The following PTPRD variants were observed in gnomAD, a reference collection of about 807,000 sequenced individuals.
The protein encoded by PTPRD is receptor-type tyrosine-protein phosphatase delta.
A neutral mutation model predicts 214.5 loss-of-function variants in PTPRD; 34 were observed. The ratio of observed to expected loss-of-function variants is 0.16; its 90% CI spans 0.12 to 0.21. The LOEUF (loss-of-function observed/expected upper bound fraction) is 0.21, where lower values mean the gene tolerates loss of function less well. Ranked by LOEUF, PTPRD falls within the 10% of genes least tolerant of loss-of-function variation. The pLI, the probability that PTPRD is intolerant of heterozygous loss-of-function variation, is 1.00. For missense variants in PTPRD, 2,545 were observed against 2,398.7 expected (o/e 1.06, Z -1.27); for synonymous variants, 1,128 against 845.7 (o/e 1.33, Z -5.79).
intron 3 of PTPRD, among the ~76,000 whole-genome samples, chr9:10,241,551 A>G (rs138307519): frequency 6.6e-6 from 1 of 151,948 alleles, no homozygotes; most frequent in African/African-American, 2.4e-5. Flanking sequence ...ATATAACAAC[A>G]CGGGTAATTC....
At chr9:8,954,535 G>A (rs1217169228) in intron 11 of PTPRD, among the ~76,000 whole-genome samples, 1 of 149,924 alleles carries the variant, frequency 6.7e-6, no homozygotes, top group Non-Finnish European at 1.5e-5. Context: ...GGTAAACATG[G>A]AAAAAAAAAG....
chr9:9,901,212 A>G (rs568929171), intron 5 of PTPRD, among the ~76,000 whole-genome samples: 1 of 152,256 alleles, frequency 6.6e-6, no homozygotes, highest in South Asian at 2.1e-4. Flanking sequence ...TTTAGCAGCC[A>G]CTGTTTTAGA....
chr9:9,334,842 C>T (rs1486345885), intron 9 of PTPRD, among the ~76,000 whole-genome samples: 1 of 151,688 alleles, frequency 6.6e-6, no homozygotes, highest in Non-Finnish European at 1.5e-5. Flanking sequence ...ACCATTAAGA[C>T]AAGTAAATAG....
At chr9:10,147,709 G>A (rs183264791) in intron 3 of PTPRD, among the ~76,000 whole-genome samples, 15 of 152,006 alleles carry the variant, frequency 9.9e-5, no homozygotes, top group East Asian at 5.8e-4. Flanking sequence ...GTAAAACCCC[G>A]TCTCTACTAA....
intron 11 of PTPRD, among the ~76,000 whole-genome samples, chr9:8,760,594 C>CTG (rs1259550529): frequency 1.2e-4 from 18 of 147,256 alleles, no homozygotes; most frequent in Non-Finnish European, 1.8e-4. Context: ...CTCCCTCTCT[C>CTG]TGTCTGTGTG....
chr9:9,197,662 C>G (rs886407706), intron 9 of PTPRD, among the ~76,000 whole-genome samples: 1 of 152,150 alleles, frequency 6.6e-6, no homozygotes. Context: ...CTGCCCGCCA[C>G]GGCCTCCCAA....
At chr9:9,223,519 G>C (rs1248468598) in intron 9 of PTPRD, among the ~76,000 whole-genome samples, 1 of 151,860 alleles carries the variant, frequency 6.6e-6, no homozygotes, top group Non-Finnish European at 1.5e-5. Flanking sequence ...TTTTACCATT[G>C]TAAAATAAAC....
chr9:9,394,656 G>T (rs2067083319), intron 9 of PTPRD, among the ~76,000 whole-genome samples: 2 of 152,102 alleles, frequency 1.3e-5, no homozygotes, highest in Admixed American at 1.3e-4. Flanking sequence ...TGTAGCTCTT[G>T]TTATTATCAT....
rs1016228651 is a variant in PTPRD, at chr9:8,939,140, T to G, written c.-104+79557A>C. ...TTTCAGAATCTCTTAATGAGAATGATAATGTCATATTATTCATGCTGATAA... is the reference window on the plus strand; with the variant it reads ...TTTCAGAATCTCTTAATGAGAATGAGAATGTCATATTATTCATGCTGATAA... On this transcript the variant is annotated intron_variant, in intron 11 of 45. Transcript: ENST00000381196. Among the ~76,000 whole-genome samples, 5 of 152,240 alleles carry G rather than the reference T, an allele frequency of 3.3e-5. No individual in the cohort carries two copies. In the East Asian group the frequency reaches 9.6e-4, roughly 29 times the overall value.
chr9:8,474,747 C>A (rs1281402166), intron 30 of PTPRD, among the ~76,000 whole-genome samples: 1 of 152,108 alleles, frequency 6.6e-6, no homozygotes, highest in Non-Finnish European at 1.5e-5. Context: ...AGAGAAAATG[C>A]AAAGATTCAG....
chr9:10,430,396 G>A (rs373802811), intron 2 of PTPRD, among the ~76,000 whole-genome samples: 18 of 151,686 alleles, frequency 1.2e-4, no homozygotes, highest in East Asian at 7.7e-4. Context: ...ATTACTTTAC[G>A]CGTGTGAGTA....
intron 7 of PTPRD, among the ~76,000 whole-genome samples, chr9:9,705,779 T>A (rs1349125602): frequency 6.6e-6 from 1 of 152,120 alleles, no homozygotes; most frequent in African/African-American, 2.4e-5. Flanking sequence ...GATTTTTAAA[T>A]TAAATATCTT....
chr9:9,354,851 G>A (rs970181731), intron 9 of PTPRD, among the ~76,000 whole-genome samples: 2 of 151,640 alleles, frequency 1.3e-5, no homozygotes, highest in African/African-American at 4.8e-5. Flanking sequence ...GATATCTGGA[G>A]GAAAAATAAT....
Position 8,375,999 on chromosome 9 carries a change from G to C in PTPRD, c.4598C>G (p.Ala1533Gly), listed in dbSNP as rs1413989131. Reference protein sequence around the residue: ...GVPEHPTPFLAFLRRVKTCNP... With the variant: ...GVPEHPTPFLGFLRRVKTCNP... ...ACAGGTTTTGACTCTACGTAAGAAA[G>C]CTAGAAAAGGTGTAGGGTGTTCTGG... Residue 1533 changes from alanine (A) to glycine (G), a missense_variant, in exon 39 of 46, where the codon GCT (alanine) becomes GGT (glycine). Coordinates refer to ENST00000381196, the MANE Select transcript of PTPRD (RefSeq NM_002839.4). The C allele has an allele frequency of 6.2e-7, 1 of 1,612,862 alleles. No homozygotes were observed. Among genetic ancestry groups the C allele is most frequent in the East Asian group, 2.2e-5 (1 of 44,858 alleles).
intron 2 of PTPRD, among the ~76,000 whole-genome samples, chr9:10,586,326 G>C (rs1260442167): frequency 6.6e-6 from 1 of 151,990 alleles, no homozygotes; most frequent in Non-Finnish European, 1.5e-5. Flanking sequence ...AAGATGGTGA[G>C]AAGAGTTTTA....
At chr9:10,599,323 A>G (rs1389060834) in intron 2 of PTPRD, among the ~76,000 whole-genome samples, 1 of 151,844 alleles carries the variant, frequency 6.6e-6, no homozygotes, top group Non-Finnish European at 1.5e-5. Flanking sequence ...ATAATGACCA[A>G]TAATTCCACT....
chr9:10,443,500 C>A (rs1030802532), intron 2 of PTPRD, among the ~76,000 whole-genome samples: 4 of 151,556 alleles, frequency 2.6e-5, no homozygotes, highest in Non-Finnish European at 5.9e-5. Flanking sequence ...CACAATAATA[C>A]TGAGAAAAGA....
intron 2 of PTPRD, among the ~76,000 whole-genome samples, chr9:10,430,747 A>G (rs1176679251): frequency 6.6e-6 from 1 of 151,928 alleles, no homozygotes; most frequent in Non-Finnish European, 1.5e-5. Flanking sequence ...CAAAAGGTCA[A>G]AAAAGATTGT....
chr9:9,063,201 T>G lies in PTPRD; in HGVS notation c.-142-44466A>C, dbSNP rs139304207. Among the ~76,000 whole-genome samples, 177 of 152,266 alleles carry G rather than the reference T, an allele frequency of 1.2e-3. 1 individual carries two copies. In the East Asian group the frequency reaches 0.027, roughly 23 times the overall value. ...TCATAAAACTCTACTTTCTAGGCAT[T>G]AGGTATCTCATCTTTAATATGAGAT... On this transcript the variant is annotated intron_variant, in intron 10 of 45. Transcript: ENST00000381196.
Sources: gnomAD v4.1 joint callset for allele counts (sites outside exome capture counted in the v4.1 genomes callset) on GRCh38, gnomAD v4.1.1 for gene constraint, MANE v1.5 for transcripts, NCBI Gene and HGNC (gene_info 2026-07-23, HGNC 2026-07-21) for gene names.